The following SRD5A2 variants were observed in gnomAD, a reference collection of about 807,000 sequenced individuals.
SRD5A2 encodes 3-oxo-5-alpha-steroid 4-dehydrogenase 2.
A neutral mutation model predicts 27.4 loss-of-function variants in SRD5A2; 30 were observed. The observed-to-expected ratio is 1.10, with a 90% confidence interval of 0.82 to 1.49. The LOEUF is 1.49. Among genes scored for constraint, SRD5A2 ranks in the 40% most tolerant of loss-of-function variants. The pLI is 0.00. For synonymous variants in SRD5A2, 141 were observed against 133.6 expected, an observed-to-expected ratio of 1.06 and a Z score of -0.38; for missense variants, 348 against 323.4, an observed-to-expected ratio of 1.08 and a Z score of -0.58.
At chr2:31,567,507 C>A (rs1488579292) in intron 1 of SRD5A2, among the ~76,000 whole-genome samples, 1 of 149,116 alleles carries the variant, frequency 6.7e-6, no homozygotes, top group East Asian at 2.0e-4. Context: ...TATTTCATGT[C>A]ACATGAAGCC....
chr2:31,546,871 C>T (rs774723106), intron 1 of SRD5A2, among the ~76,000 whole-genome samples: 3 of 152,168 alleles, frequency 2.0e-5, no homozygotes, highest in African/African-American at 2.4e-5. Flanking sequence ...CCAAGGAGGG[C>T]GGATCACCTG....
At chr2:31,532,342 G>A (rs910165600) in intron 2 of SRD5A2, among the ~76,000 whole-genome samples, 3 of 149,398 alleles carry the variant, frequency 2.0e-5, no homozygotes, top group Admixed American at 1.3e-4. Flanking sequence ...CTAACAAACT[G>A]ACTTCCATCA....
chr2:31,613,407 G>A, the SRD5A2 span, among the ~76,000 whole-genome samples: 1 of 152,142 alleles, frequency 6.6e-6, no homozygotes, highest in Non-Finnish European at 1.5e-5. Context: ...ACAGATATAT[G>A]AAAAATGCTC....
At chr2:31,652,713 T>C in the SRD5A2 span, among the ~76,000 whole-genome samples, 1 of 152,132 alleles carries the variant, frequency 6.6e-6, no homozygotes, top group African/African-American at 2.4e-5. Flanking sequence ...ATAAAGACCA[T>C]GGAGAATACA....
upstream of SRD5A2, among the ~76,000 whole-genome samples, chr2:31,584,937 C>A (rs1043695336): frequency 6.6e-6 from 1 of 152,188 alleles, no homozygotes; most frequent in Non-Finnish European, 1.5e-5. Flanking sequence ...CTGAAGCCAC[C>A]CCTCCATCAC....
the SRD5A2 span, among the ~76,000 whole-genome samples, chr2:31,646,560 T>C: frequency 6.6e-6 from 1 of 152,114 alleles, no homozygotes; most frequent in African/African-American, 2.4e-5. Flanking sequence ...CTTGGCTGCA[T>C]CTAGGTATGA....
chr2:31,541,349 A>AG (rs1434894489), intron 1 of SRD5A2, among the ~76,000 whole-genome samples: 3 of 152,222 alleles, frequency 2.0e-5, no homozygotes, highest in Middle Eastern at 3.4e-3. Flanking sequence ...TCAACAAAAA[A>AG]AAACACAAGG....
Position 31,571,204 on chromosome 2 carries a change from C to T in SRD5A2, c.281+9416G>A, listed in dbSNP as rs182584414. On this transcript the variant is annotated intron_variant, in intron 1 of 4. Transcript: ENST00000622030. Reference sequence around the variant, plus strand: ...GACCAATGGAACAGGATAGAGTGCCCAGAAACAATGCTGCATACCTACAAC... The same window carrying T: ...GACCAATGGAACAGGATAGAGTGCCTAGAAACAATGCTGCATACCTACAAC... Among the ~76,000 whole-genome samples the T allele has an allele frequency of 2.3e-4, 35 of 152,126 alleles. No homozygotes were observed. The East Asian group carries it at 6.2e-3, about 27-fold the overall frequency.
chr2:31,572,962 T>C (rs1035621187), intron 1 of SRD5A2, among the ~76,000 whole-genome samples: 26 of 152,180 alleles, frequency 1.7e-4, no homozygotes, highest in African/African-American at 6.3e-4. Context: ...TAATATGGCA[T>C]AGTTACAGAA....
chr2:31,537,619 GC>G (rs1666052698), intron 1 of SRD5A2, among the ~76,000 whole-genome samples: 1 of 152,084 alleles, frequency 6.6e-6, no homozygotes, highest in Non-Finnish European at 1.5e-5. Flanking sequence ...ATATGAGAGT[GC>G]CCCCAGAACT....
At chr2:31,591,660 CA>C in the SRD5A2 span, among the ~76,000 whole-genome samples, 1 of 151,342 alleles carries the variant, frequency 6.6e-6, no homozygotes, top group East Asian at 1.9e-4. Context: ...CATCACTATT[CA>C]CAACAGTGAA....
chr2:31,542,313 G>A (rs1314304814), intron 1 of SRD5A2, among the ~76,000 whole-genome samples: 2 of 151,960 alleles, frequency 1.3e-5, no homozygotes, highest in Non-Finnish European at 2.9e-5. Flanking sequence ...AAATTTAAAA[G>A]CCTAGGCAAC....
chr2:31,634,406 T>C, the SRD5A2 span, among the ~76,000 whole-genome samples: 1 of 152,114 alleles, frequency 6.6e-6, no homozygotes, highest in Non-Finnish European at 1.5e-5. Context: ...GTAACTGGAA[T>C]CCTAGAGAGG....
chr2:31,572,366 TG>T (rs1447251507), intron 1 of SRD5A2, among the ~76,000 whole-genome samples: 1 of 152,210 alleles, frequency 6.6e-6, no homozygotes, highest in Non-Finnish European at 1.5e-5. Context: ...TGCTTATTAC[TG>T]GGGTGATGAA....
chr2:31,599,942 C>CGCT, the SRD5A2 span, among the ~76,000 whole-genome samples: 62,996 of 151,390 alleles, frequency 0.42, 13,240 homozygotes, highest in Admixed American at 0.43. Context: ...GGTATTAAGC[C>CGCT]TACTACCCAT....
chr2:31,531,256 G>A (rs1447813007), intron 3 of SRD5A2, 115 bp downstream of exon 3: 7 of 690,390 alleles, frequency 1.0e-5, no homozygotes, highest in Non-Finnish European at 1.7e-5. Context: ...AGAGCAAGCT[G>A]AGAGGTATTG....
chr2:31,605,447 GA>G, the SRD5A2 span, among the ~76,000 whole-genome samples: 108 of 145,924 alleles, frequency 7.4e-4, no homozygotes, highest in Admixed American at 1.3e-3. Flanking sequence ...AACTCTGTAG[GA>G]AAAAAAACCT....
chr2:31,656,026 G>C, the SRD5A2 span, among the ~76,000 whole-genome samples: 1 of 152,122 alleles, frequency 6.6e-6, no homozygotes, highest in African/African-American at 2.4e-5. Context: ...GTACAAAACT[G>C]GTAAGTCGGG....
chr2:31,618,609 G>A, the SRD5A2 span, among the ~76,000 whole-genome samples: 1 of 152,026 alleles, frequency 6.6e-6, no homozygotes, highest in Non-Finnish European at 1.5e-5. Context: ...TTACACATAT[G>A]TGGAATCTAA....
Sources: gnomAD v4.1 joint callset for allele counts (sites outside exome capture counted in the v4.1 genomes callset) on GRCh38, gnomAD v4.1.1 for gene constraint, MANE v1.5 for transcripts, NCBI Gene and HGNC (gene_info 2026-07-23, HGNC 2026-07-21) for gene names.